The following HTT variants were observed in gnomAD, a reference collection of about 807,000 sequenced individuals.
The protein encoded by HTT is huntington disease protein.
In HTT, 104 loss-of-function variants were observed where a neutral mutation model predicts 362.3. That is an observed-to-expected ratio of 0.29 (90% CI 0.24 to 0.34). The LOEUF (loss-of-function observed/expected upper bound fraction) is 0.34, where lower values mean the gene tolerates loss of function less well. Among genes scored for constraint, HTT ranks in the 10% least tolerant of loss-of-function variants. The pLI is 1.00. For synonymous variants in HTT, 1,577 were observed against 1,548.7 expected (o/e 1.02, Z -0.43); for missense variants, 3,301 against 3,928.6 (o/e 0.84, Z 4.27).
chr4:3,233,042 C>T (rs1243334310), intron 60 of HTT, 121 bp from the exon 61 acceptor site: 2 of 777,330 alleles, frequency 2.6e-6, no homozygotes, highest in Non-Finnish European at 4.1e-6. Flanking sequence ...GGTCTCCGGC[C>T]TGCTGTGTAG....
At chr4:3,172,437 G>T (rs367733788) in intron 30 of HTT, 40 bp downstream of exon 30, 39 of 1,312,506 alleles carry the variant, frequency 3.0e-5, no homozygotes, top group African/African-American at 2.5e-4. Context: ...TAAGACGTTC[G>T]GGTATGACAG....
intron 27 of HTT, among the ~76,000 whole-genome samples, chr4:3,156,205 C>T (rs1000723072): frequency 2.6e-5 from 4 of 152,050 alleles, no homozygotes; most frequent in South Asian, 2.1e-4. Flanking sequence ...CTGCAACCTC[C>T]GCCTCCCAGG....
Position 3,243,125 on chromosome 4 carries a change from C to T in HTT, c.*3066C>T, listed in dbSNP as rs1721890035. The T allele has an allele frequency of 6.6e-6, 1 of 152,572 alleles. No individual in the cohort carries two copies. The highest frequency in any genetic ancestry group is 6.5e-5 in the Admixed American group (1 of 15,274). 9.5% of individuals were successfully genotyped at this position (152,572 alleles called of 1,614,324 possible). ...TCCTCCTCTTGGAGCTGAGATGAGC[C>T]CCACGTGGAGCTCGGGACGGATAGT... On this transcript the variant is annotated 3_prime_UTR_variant, in exon 67 of 67. Transcript: ENST00000355072.
At chr4:3,078,708 A>G (rs1406414970) in intron 1 of HTT, among the ~76,000 whole-genome samples, 2 of 151,262 alleles carry the variant, frequency 1.3e-5, no homozygotes, top group Non-Finnish European at 2.9e-5. Flanking sequence ...AGCTGGGATT[A>G]TAGACATGCA....
chr4:3,122,386 C>A (rs1164487063), intron 9 of HTT, among the ~76,000 whole-genome samples: 1 of 152,176 alleles, frequency 6.6e-6, no homozygotes, highest in Non-Finnish European at 1.5e-5. Context: ...GCAGCGTGGC[C>A]TTACTCACAG....
Position 3,217,900 on chromosome 4 carries a change from T to A in HTT, c.7190T>A (p.Ile2397Asn). 1 of 1,613,980 alleles carries A rather than the reference T, an allele frequency of 6.2e-7. No homozygotes were observed. The highest frequency in any genetic ancestry group is 1.1e-5 in the South Asian group (1 of 91,064). The change falls in exon 52 of 67, where the codon ATC becomes AAC. Residue 2397 changes from isoleucine (I) to asparagine (N), a missense_variant. Around this residue, in one of 4 missense-constraint regions of HTT, gnomAD observed 753 missense variants for 1,021.3 expected, o/e 0.74. Coordinates refer to ENST00000355072, the MANE Select transcript of HTT (RefSeq NM_001388492.1). Reference sequence around the variant, plus strand: ...ACGCCATTGCTAAGGAACATCATCATCAGCCTGGCCCGCCTGCCCCTTGTC... The same window carrying A: ...ACGCCATTGCTAAGGAACATCATCAACAGCCTGGCCCGCCTGCCCCTTGTC... ...FLTPLLRNII[I>N]SLARLPLVNS... is the part of the protein sequence containing the mutation.
At position 3,235,769 on chromosome 4, in the gene HTT, A is replaced by G; in HGVS notation, c.8776A>G (p.Met2926Val). 6.2e-7 allele frequency: 1 copy of G among 1,601,702 alleles called. No homozygotes were observed. The highest frequency in any genetic ancestry group is 2.2e-5 in the East Asian group (1 of 44,852). Residue 2926 changes from methionine to valine, a missense_variant, in exon 63 of 67, where the codon ATG becomes GTG. Coordinates refer to ENST00000355072, the MANE Select transcript of HTT (RefSeq NM_001388492.1). The stretch of plus-strand genomic sequence containing the variant: ...GGCTCTGGGCCTGATGCTCACCTGC[A>G]TGTACACAGGTGAGCATGTACACGG... ...MAALGLMLTC[M>V]YTGKEKVSPG... is the part of the protein sequence containing the mutation.
At chr4:3,086,486 C>T (rs958431676) in intron 1 of HTT, among the ~76,000 whole-genome samples, 3 of 152,090 alleles carry the variant, frequency 2.0e-5, no homozygotes, top group Admixed American at 1.3e-4. Context: ...TGGGCAACAT[C>T]GTGAGGCCCC....
chr4:3,140,271 A>G (rs1716275709), intron 21 of HTT, among the ~76,000 whole-genome samples: 2 of 151,644 alleles, frequency 1.3e-5, no homozygotes, highest in African/African-American at 4.8e-5. Flanking sequence ...AAAAAAAAAA[A>G]AAAAAGAAAA....
chr4:3,149,682 C>T (rs1716784128), intron 26 of HTT, among the ~76,000 whole-genome samples: 1 of 152,146 alleles, frequency 6.6e-6, no homozygotes, highest in Admixed American at 6.5e-5. Flanking sequence ...TTAAAAATCT[C>T]CCTACTAACT....
At chr4:3,123,079 A>G (rs763943843) in intron 10 of HTT, 143 bp downstream of exon 10, 1 of 511,868 alleles carries the variant, frequency 2.0e-6, no homozygotes, top group Non-Finnish European at 3.3e-6. Flanking sequence ...ATATGTGTGA[A>G]TGTTGCTGGA....
At chr4:3,118,510 T>C (rs1468373293) in intron 8 of HTT, among the ~76,000 whole-genome samples, 1 of 152,196 alleles carries the variant, frequency 6.6e-6, no homozygotes, top group African/African-American at 2.4e-5. Context: ...ATGTGGTCTT[T>C]GCTAAGTCCC....
chr4:3,111,337 G>A (rs1344149145), intron 6 of HTT, among the ~76,000 whole-genome samples: 3 of 152,098 alleles, frequency 2.0e-5, no homozygotes, highest in African/African-American at 7.2e-5. Flanking sequence ...GGGATTACAG[G>A]TGTGCACCAC....
rs948676628 is a variant in HTT at position 3,217,774 on chromosome 4, A to G, written c.7064A>G (p.Tyr2355Cys). 6.2e-7 allele frequency: 1 copy of G among 1,613,444 alleles called. No individual in the cohort carries two copies. Among genetic ancestry groups the G allele is most frequent in the Non-Finnish European group, 8.5e-7 (1 of 1,179,660 alleles). ...ACCGTTGCTTGTTTAGATCCTAAGT[A>G]TATCACTGCAGCCTGTGAGATGGTG... ...EVDPNTQNPKYITAACEMVAE... is the reference protein window; with the variant it reads ...EVDPNTQNPKCITAACEMVAE... The change falls in exon 52 of 67, where the codon TAT becomes TGT. Residue 2355 changes from tyrosine to cysteine, a missense_variant. Tyr to Cys is a radical substitution (Grantham distance 194, BLOSUM62 -2). Transcript: ENST00000355072.
intron 6 of HTT, among the ~76,000 whole-genome samples, chr4:3,111,193 C>CTT (rs1161560027): frequency 4.5e-5 from 6 of 134,798 alleles, no homozygotes; most frequent in African/African-American, 8.1e-5. Flanking sequence ...ATTTTCTTTA[C>CTT]TTTTTTTTTT....
Position 3,135,446 on chromosome 4 carries a change from G to GT in HTT, c.2634-446dup, listed in dbSNP as rs5855769. Among the ~76,000 whole-genome samples the GT allele has an allele frequency of 1.5e-3, 213 of 141,806 alleles. 1 individual carries two copies. The highest frequency in any genetic ancestry group is 2.9e-3 in the African/African-American group (111 of 38,870). The allele number at this position is 141,806 out of a possible 152,430, so 93.0% of individuals were successfully genotyped here. A position where few individuals can be genotyped will look rare whatever the true frequency, so the allele number is the denominator to read the frequency against. On this transcript the variant is annotated intron_variant, in intron 19 of 66. Coordinates refer to ENST00000355072, the MANE Select transcript of HTT (RefSeq NM_001388492.1). ...AATTTTCCTTTATAATTTAGGGTTT[G>GT]TTTTTTTTTTTTCCAAGCCACCTTT...
chr4:3,184,545 C>T (rs1374187262), intron 37 of HTT, among the ~76,000 whole-genome samples: 1 of 152,086 alleles, frequency 6.6e-6, no homozygotes, highest in Non-Finnish European at 1.5e-5. Flanking sequence ...GAAAGCAAAA[C>T]CAGCAAGGTT....
At chr4:3,215,964 A>G (rs540772595) in intron 51 of HTT, among the ~76,000 whole-genome samples, 5 of 152,308 alleles carry the variant, frequency 3.3e-5, no homozygotes, top group African/African-American at 1.2e-4. Flanking sequence ...CCTGTCCCAC[A>G]GAGGTGGGGG....
chr4:3,238,730 G>GGGCCCCCCCCCCCCCCCCCCCCC, intron 65 of HTT, 88 bp from the exon 66 acceptor site: 5 of 1,096,974 alleles, frequency 4.6e-6, no homozygotes, highest in South Asian at 1.4e-5. Context: ...AATGCCTCTG[G>GGGCCCCCCCCCCCCCCCCCCCCC]CCCCCACCCC....
Sources: gnomAD v4.1 joint callset for allele counts (sites outside exome capture counted in the v4.1 genomes callset) on GRCh38, gnomAD v4.1.1 for gene constraint, gnomAD v4.1.1 regional missense constraint, MANE v1.5 for transcripts, NCBI Gene and HGNC (gene_info 2026-07-23, HGNC 2026-07-21) for gene names.